The following ECM2 variants were observed in gnomAD, a reference collection of about 807,000 sequenced individuals.
ECM2 encodes the protein extracellular matrix protein 2, also known as extracellular matrix protein 2, female organ and adipocyte specific.
A neutral mutation model predicts 67.5 loss-of-function variants in ECM2; 57 were observed. The ratio of observed to expected loss-of-function variants is 0.84; its 90% CI spans 0.68 to 1.05. ECM2 has a LOEUF of 1.05. Among genes scored for constraint, ECM2 ranks in the 50% least tolerant of loss-of-function variants. ECM2 has a pLI of 0.00. For missense variants in ECM2, 741 were observed against 822.8 expected, an observed-to-expected ratio of 0.90 and a Z score of 1.22; for synonymous variants, 258 against 294.5, an observed-to-expected ratio of 0.88 and a Z score of 1.27.
At chr9:92,504,498 T>C (rs1846875938) in intron 7 of ECM2, among the ~76,000 whole-genome samples, 1 of 152,144 alleles carries the variant, frequency 6.6e-6, no homozygotes, top group Admixed American at 6.5e-5. Flanking sequence ...CCAGTATGTA[T>C]AGACTCTCTG....
rs1847562048 is a variant in ECM2, at chr9:92,514,531, T to C, written c.1054+100A>G. The C allele has an allele frequency of 2.8e-6, 4 of 1,450,638 alleles. No individual in the cohort carries two copies. The South Asian group carries it at 6.2e-5, about 22-fold the overall frequency. 89.9% of individuals were successfully genotyped at this position (1,450,638 alleles called of 1,614,324 possible). ...CTCAGGTGATCTGGCCACCTCAGCC[T>C]TTCAAAGTGCTGAGATTATAGGCGT... On this transcript the variant is annotated intron_variant, in intron 4 of 9. Transcript: ENST00000344604.
intron 8 of ECM2, among the ~76,000 whole-genome samples, chr9:92,501,257 T>A (rs1396742717): frequency 6.6e-6 from 1 of 152,162 alleles, no homozygotes; most frequent in Non-Finnish European, 1.5e-5. Flanking sequence ...GGTGCCATAC[T>A]GCCTCCCAGC....
In ECM2 at chr9:92,514,997, T is replaced by TCA; in HGVS notation, c.687_688insTG (p.Thr230Ter). On this transcript the variant is annotated frameshift_variant, in exon 4 of 10. Transcript: ENST00000344604. LOFTEE classifies it high-confidence loss of function. ...TGCCCCTGATTTCTAGATTCAGGGG[T>TCA]CTCTCTCTTTTGCTCTGTATCTTCT... is the stretch of plus-strand genomic sequence containing the variant. The TCA allele has an allele frequency of 6.2e-7, 1 of 1,614,078 alleles. No individual in the cohort carries two copies. Among genetic ancestry groups the TCA allele is most frequent in the Non-Finnish European group, 8.5e-7 (1 of 1,180,016 alleles).
At chr9:92,512,244 C>T in intron 4 of ECM2, 118 bp from the exon 5 acceptor site, 1 of 575,822 alleles carries the variant, frequency 1.7e-6, no homozygotes, top group East Asian at 3.1e-5. Flanking sequence ...GAAAGCAATA[C>T]TCAGAACAAG....
chr9:92,538,018 G>A (rs971762674), upstream of ECM2, among the ~76,000 whole-genome samples: 1 of 152,106 alleles, frequency 6.6e-6, no homozygotes, highest in Non-Finnish European at 1.5e-5. Context: ...AGGGAAAACA[G>A]AAACTCTCCT....
At chr9:92,536,869 A>ATTTTTT (rs11459753), upstream of ECM2, among the ~76,000 whole-genome samples, 2 of 141,528 alleles carry the variant, frequency 1.4e-5, no homozygotes, top group Non-Finnish European at 3.1e-5. Context: ...TATTTTTTAA[A>ATTTTTT]TTTTTTTTTT....
upstream of ECM2, among the ~76,000 whole-genome samples, chr9:92,540,827 A>G (rs548669423): frequency 6.6e-6 from 1 of 152,244 alleles, no homozygotes; most frequent in African/African-American, 2.4e-5. Context: ...CTGGACCTAG[A>G]TCAGGAGATA....
At chr9:92,525,893 C>CAAAAAAAAAAAAAAAAAAAAAAAAA in intron 1 of ECM2, among the ~76,000 whole-genome samples, 1 of 43,908 alleles carries the variant, frequency 2.3e-5, no homozygotes, top group Non-Finnish European at 4.8e-5. Context: ...ACTCTATCTC[C>CAAAAAAAAAAAAAAAAAAAAAAAAA]AAAAAAAAAA....
rs572801243 is a variant in ECM2 at position 92,505,957 on chromosome 9, G to A, written c.1307-267C>T. ...TGCTAGGTGCTAACAATATGTGTAA[G>A]GAACAGAAGCAAGAGAGAAGAGAGG... is the stretch of plus-strand genomic sequence containing the variant. On this transcript the variant is annotated intron_variant, in intron 6 of 9. Transcript: ENST00000344604. Among the ~76,000 whole-genome samples, 8 of 152,246 alleles carry A rather than the reference G, an allele frequency of 5.3e-5. No homozygotes were observed. The East Asian group carries it at 1.5e-3, about 29-fold the overall frequency.
At chr9:92,555,167 G>A in the ECM2 span, among the ~76,000 whole-genome samples, 8 of 147,882 alleles carry the variant, frequency 5.4e-5, no homozygotes, top group Non-Finnish European at 1.0e-4. Context: ...TGAATGTCTG[G>A]TAGAATTCTG....
chr9:92,528,781 A>G (rs529118570), intron 1 of ECM2, among the ~76,000 whole-genome samples: 3 of 152,358 alleles, frequency 2.0e-5, no homozygotes, highest in Non-Finnish European at 2.9e-5. Flanking sequence ...ACTGCGTACA[A>G]TAACTTGACA....
chr9:92,494,030 A>C, downstream of ECM2: 1 of 1,572,994 alleles, frequency 6.4e-7, no homozygotes, highest in Non-Finnish European at 8.6e-7. Flanking sequence ...CATTTTTCTG[A>C]CTGCACAGCA....
intron 1 of ECM2, among the ~76,000 whole-genome samples, chr9:92,525,893 C>CAAAAAAAAAAAAAAAA (rs71362395): frequency 2.3e-5 from 1 of 43,908 alleles, no homozygotes. Flanking sequence ...ACTCTATCTC[C>CAAAAAAAAAAAAAAAA]AAAAAAAAAA....
chr9:92,510,095 A>G (rs1847245226), intron 5 of ECM2, 61 bp from the exon 6 acceptor site: 13 of 1,529,024 alleles, frequency 8.5e-6, no homozygotes, highest in Non-Finnish European at 1.1e-5. Context: ...GTCACATTTC[A>G]TATAATGGTC....
intron 8 of ECM2, among the ~76,000 whole-genome samples, chr9:92,501,699 A>G (rs956273259): frequency 6.6e-6 from 1 of 152,264 alleles, no homozygotes; most frequent in South Asian, 2.1e-4. Context: ...CTCTGCCTAC[A>G]GTGGGCTCAG....
upstream of ECM2, among the ~76,000 whole-genome samples, chr9:92,537,089 T>A (rs1296348066): frequency 6.6e-6 from 1 of 151,578 alleles, no homozygotes; most frequent in East Asian, 2.0e-4. Context: ...TTGGCCAGGC[T>A]GGTCTCGAAC....
the ECM2 span, among the ~76,000 whole-genome samples, chr9:92,553,450 G>A: frequency 6.6e-6 from 1 of 152,042 alleles, no homozygotes; most frequent in Non-Finnish European, 1.5e-5. Context: ...AAAAAGGATG[G>A]TGGTATTTTG....
intron 7 of ECM2, 125 bp downstream of exon 7, chr9:92,505,408 A>C (rs1846940780): frequency 1.2e-6 from 1 of 851,304 alleles, no homozygotes; most frequent in African/African-American, 1.8e-5. Context: ...AAATTACAGG[A>C]AATTCTGTAT....
the ECM2 span, among the ~76,000 whole-genome samples, chr9:92,541,821 T>A: frequency 6.6e-6 from 1 of 151,868 alleles, no homozygotes; most frequent in South Asian, 2.1e-4. Context: ...TGAGACGGAG[T>A]CTTGCTCTGT....
Sources: gnomAD v4.1 joint callset for allele counts (sites outside exome capture counted in the v4.1 genomes callset) on GRCh38, gnomAD v4.1.1 for gene constraint, MANE v1.5 for transcripts, NCBI Gene and HGNC (gene_info 2026-07-23, HGNC 2026-07-21) for gene names.